Variants in TCF3 observed in about 807,000 individuals in gnomAD.
TCF3 encodes the protein transcription factor E2-alpha.
A neutral mutation model predicts 72.3 loss-of-function variants in TCF3; 54 were observed. That is an observed-to-expected ratio of 0.75 (90% CI 0.60 to 0.94). The LOEUF is 0.94. Among genes scored for constraint, TCF3 ranks in the 40% least tolerant of loss-of-function variants. The pLI is 0.00. For missense variants in TCF3, 1,078 were observed against 934.4 expected (o/e 1.15, Z -2.00); for synonymous variants, 525 against 412.6 (o/e 1.27, Z -3.30).
chr19:1,643,538 G>T, intron 3 of TCF3, among the ~76,000 whole-genome samples: 1 of 150,400 alleles, frequency 6.6e-6, no homozygotes, highest in East Asian at 2.0e-4. Context: ...GTTTGTTTGA[G>T]TTGGGGTCTC....
At chr19:1,627,458 C>A in intron 5 of TCF3, 32 bp from the exon 6 acceptor site, 1 of 1,606,338 alleles carries the variant, frequency 6.2e-7, no homozygotes, top group Non-Finnish European at 8.5e-7. Flanking sequence ...TAGTGGGAGG[C>A]GACCCCAAGG....
At chr19:1,625,960 G>C (rs887821708) in intron 6 of TCF3, among the ~76,000 whole-genome samples, 1 of 152,178 alleles carries the variant, frequency 6.6e-6, no homozygotes, top group Non-Finnish European at 1.5e-5. Flanking sequence ...CCAACCCAAG[G>C]GGCTGCTCCC....
Position 1,652,571 on chromosome 19 carries a change from A to AGCC in TCF3, c.-314_-312dup, listed in dbSNP as rs2067287382. 1 of 143,754 alleles carries AGCC rather than the reference A, an allele frequency of 7.0e-6. No homozygotes were observed. Among genetic ancestry groups the AGCC allele is most frequent in the African/African-American group, 2.5e-5 (1 of 39,424 alleles). 8.9% of individuals were successfully genotyped at this position (143,754 alleles called of 1,614,324 possible). ...GTCGGCTCCGGCCCGCTACGCCCGC[A>AGCC]GCCGCCGCCGCTGCCTCATCTTCCT... On this transcript the variant is annotated 5_prime_UTR_variant, in exon 1 of 19. Transcript: ENST00000262965.
In TCF3 at chr19:1,632,416, G is replaced by A. The variant is rs1003618194; in HGVS notation, c.146-11C>T. 3 of 1,586,098 alleles carry A rather than the reference G, an allele frequency of 1.9e-6. No individual in the cohort carries two copies. The highest frequency in any genetic ancestry group is 8.6e-7 in the Non-Finnish European group (1 of 1,166,486). ...GCCGGTCCTCAAGACCTGCAGGCAG[G>A]ACAGAGAGAGTTATGGGTCACCCTC... is the stretch of plus-strand genomic sequence containing the variant. On this transcript the variant is annotated splice_polypyrimidine_tract_variant and intron_variant, in intron 3 of 18. Transcript: ENST00000262965.
chr19:1,626,005 C>G (rs1269235912), intron 6 of TCF3, among the ~76,000 whole-genome samples: 2 of 152,220 alleles, frequency 1.3e-5, no homozygotes, highest in African/African-American at 4.8e-5. Context: ...AGCTGCGTGG[C>G]TAAGCGTCTG....
At position 1,615,458 on chromosome 19, in the gene TCF3, C is replaced by A; in HGVS notation, c.1649G>T (p.Arg550Leu). The A allele has an allele frequency of 1.9e-6, 3 of 1,612,822 alleles. No homozygotes were observed. The highest frequency in any genetic ancestry group is 2.5e-6 in the Non-Finnish European group (3 of 1,179,968). The change falls in exon 18 of 19, where the codon CGC becomes CTC. Residue 550 changes from arginine (R) to leucine (L), a missense_variant. Arg to Leu is a moderately radical substitution (Grantham distance 102). Transcript: ENST00000262965. The surrounding 1 kb of genome is among the most constrained non-coding windows in gnomAD (Gnocchi z 7.3). ...CTCCCGGGCGTTATTGGCCACCCGG[C>A]GCTCCTTCTCCCGCTCGGCCTTCTG... ...PEQKAEREKE[R>L]RVANNARERL...
chr19:1,637,440 G>A (rs1599914492), intron 3 of TCF3, among the ~76,000 whole-genome samples: 1 of 152,242 alleles, frequency 6.6e-6, no homozygotes, highest in Non-Finnish European at 1.5e-5. Flanking sequence ...GGCCCCGAGA[G>A]TGGGCATCGA....
chr19:1,650,832 A>G (rs954441829), intron 1 of TCF3: 4 of 231,502 alleles, frequency 1.7e-5, no homozygotes, highest in African/African-American at 6.6e-5. Flanking sequence ...GAAAACCACG[A>G]AACTCTTTTA....
In TCF3 at chr19:1,650,201, G is replaced by A. The variant is rs564701483; in HGVS notation, c.48C>T (p.Leu16=). ...CCATGCTGAAGTCCAGGAGGTCACTGAGCTCCTTGTCTGTGCCCACAGGCG... is the reference window on the plus strand; with the variant it reads ...CCATGCTGAAGTCCAGGAGGTCACTAAGCTCCTTGTCTGTGCCCACAGGCG... ...RMAPVGTDKE[L]SDLLDFSMMF... The change falls in exon 2 of 19, where the codon CTC becomes CTT. Residue 16 remains leucine (L), a synonymous_variant. Coordinates refer to ENST00000262965, the MANE Select transcript of TCF3 (RefSeq NM_003200.5). The A allele has an allele frequency of 3.9e-5, 61 of 1,573,166 alleles. No individual in the cohort carries two copies. The East Asian group carries it at 5.0e-4, about 13-fold the overall frequency.
chr19:1,640,778 T>G (rs2065121720), intron 3 of TCF3, among the ~76,000 whole-genome samples: 1 of 150,496 alleles, frequency 6.6e-6, no homozygotes, highest in African/African-American at 2.5e-5. Flanking sequence ...CACCCCAGCC[T>G]GGGTGACAGA....
rs748736568 is a variant in TCF3 at position 1,615,806 on chromosome 19, C to T, written c.1466G>A (p.Gly489Asp). ...PDSYSGLGRA[G>D]ATAAASEIKR... ...GATCTCGCTGGCGGCCGCCGTGGCACCTGCTCGCCCTAGCCCTGCAACAGG... is the reference window on the plus strand; with the variant it reads ...GATCTCGCTGGCGGCCGCCGTGGCATCTGCTCGCCCTAGCCCTGCAACAGG... The change falls in exon 17 of 19, where the codon GGT (glycine) becomes GAT (aspartate). Residue 489 changes from glycine to aspartate, a missense_variant. Physicochemically the swap from Gly to Asp is moderately conservative, Grantham distance 94. Coordinates refer to ENST00000262965, the MANE Select transcript of TCF3 (RefSeq NM_003200.5). The surrounding 1 kb of genome is among the most constrained non-coding windows in gnomAD (Gnocchi z 7.3). 15 of 1,567,968 alleles carry T rather than the reference C, an allele frequency of 9.6e-6. No individual in the cohort carries two copies. In the African/African-American group the frequency reaches 2.0e-4, roughly 21 times the overall value.
At chr19:1,649,773 C>CTGGAGTGCAG (rs1204412496) in intron 2 of TCF3, among the ~76,000 whole-genome samples, 1 of 152,094 alleles carries the variant, frequency 6.6e-6, no homozygotes, top group East Asian at 1.9e-4. Context: ...GTCAACCAGA[C>CTGGAGTGCAG]TGGAGTGCAG....
chr19:1,638,120 CTAGAAGCCGT>C (rs2064713361), intron 3 of TCF3, among the ~76,000 whole-genome samples: 1 of 152,124 alleles, frequency 6.6e-6, no homozygotes, highest in African/African-American at 2.4e-5. Flanking sequence ...CAAGAGATTC[CTAGAAGCCGT>C]AACAAGACAG....
At chr19:1,627,640 T>C (rs908076190) in intron 5 of TCF3, among the ~76,000 whole-genome samples, 1 of 152,148 alleles carries the variant, frequency 6.6e-6, no homozygotes, top group African/African-American at 2.4e-5. Context: ...GCCCTCAGTG[T>C]GCCCATCTCC....
At position 1,615,317 on chromosome 19, in the gene TCF3, G is replaced by A. The variant is rs748136611; in HGVS notation, c.1790C>T (p.Ser597Leu). ...TTGCTGCTCCAAGTTCAGGATGACC[G>A]AGACAGCCTGGTGCAGGATGAGCAG... Reference protein sequence around the residue: ...TKLLILHQAVSVILNLEQQVR... With the variant: ...TKLLILHQAVLVILNLEQQVR... The change falls in exon 18 of 19, where the codon TCG becomes TTG. Residue 597 changes from serine (S) to leucine (L), a missense_variant. Transcript: ENST00000262965. The surrounding 1 kb of genome is among the most constrained non-coding windows in gnomAD (Gnocchi z 7.3). 24 of 1,604,206 alleles carry A rather than the reference G, an allele frequency of 1.5e-5. No individual in the cohort carries two copies. The highest frequency in any genetic ancestry group is 6.7e-5 in the East Asian group (3 of 44,576).
Position 1,627,544 on chromosome 19 carries a change from C to A in TCF3, c.299-118G>T. ...AGTAAGTGCACACGACTGAGAGCGC[C>A]ACGGCAGGATGCTGGCAGAGCCTGA... On this transcript the variant is annotated intron_variant, in intron 5 of 18. Coordinates refer to ENST00000262965, the MANE Select transcript of TCF3 (RefSeq NM_003200.5). 3.3e-6 allele frequency: 3 copies of A among 897,494 alleles called. No homozygotes were observed. The South Asian group carries it at 4.6e-5, about 14-fold the overall frequency. The allele number at this position is 897,494 out of a possible 1,614,324, so 55.6% of individuals were successfully genotyped here. A position where few individuals can be genotyped will look rare whatever the true frequency, so the allele number is the denominator to read the frequency against.
intron 1 of TCF3, chr19:1,650,684 C>T (rs2066883226): frequency 4.2e-6 from 1 of 237,990 alleles, no homozygotes; most frequent in African/African-American, 2.2e-5. Context: ...GGCCCCCTAC[C>T]CCCGGGAAAG....
chr19:1,615,669 G>A lies in TCF3; in HGVS notation c.1586+17C>T, dbSNP rs530136778. 2.5e-4 allele frequency: 398 copies of A among 1,613,170 alleles called. 6 individuals are homozygous for A. In the South Asian group the frequency reaches 3.8e-3, roughly 15 times the overall value. On this transcript the variant is annotated intron_variant, in intron 17 of 18. Coordinates refer to ENST00000262965, the MANE Select transcript of TCF3 (RefSeq NM_003200.5). This position sits in a 1 kb window ranked among gnomAD's most constrained non-coding sequence, Gnocchi z 7.3. Reference sequence around the variant, plus strand: ...TGATGGGGTGAGGGTGGGGAGTGCCGAGGGGTGGGTTGGCACCTGGTCCGG... The same window carrying A: ...TGATGGGGTGAGGGTGGGGAGTGCCAAGGGGTGGGTTGGCACCTGGTCCGG...
At chr19:1,649,446 A>G (rs906476322) in intron 2 of TCF3, among the ~76,000 whole-genome samples, 1 of 152,156 alleles carries the variant, frequency 6.6e-6, no homozygotes. Context: ...ATCTTACTCT[A>G]TCGCCCAGGA....
Sources: gnomAD v4.1 joint callset for allele counts (sites outside exome capture counted in the v4.1 genomes callset) on GRCh38, gnomAD v4.1.1 for gene constraint, Gnocchi (gnomAD v3.1) non-coding constraint, MANE v1.5 for transcripts, NCBI Gene and HGNC (gene_info 2026-07-23, HGNC 2026-07-21) for gene names.